Variants in SH3TC1 observed in about 807,000 individuals in gnomAD.
The protein encoded by SH3TC1 is SH3 domain and tetratricopeptide repeats 1.
Under a neutral mutation model 117.3 loss-of-function variants are expected in SH3TC1, and 135 were observed. The observed-to-expected ratio is 1.15, with a 90% CI of 1.00 to 1.33. The LOEUF is 1.33. SH3TC1 is among the 40% of genes most tolerant of loss of function. SH3TC1 has a pLI of 0.00. For synonymous variants in SH3TC1, 898 were observed against 816.9 expected (o/e 1.10, Z -1.69); for missense variants, 2,092 against 1,794.3 (o/e 1.17, Z -3.00).
At position 8,186,933 on chromosome 4, in the gene SH3TC1, G is replaced by C. The variant is rs1717237958; in HGVS notation, c.-57+4723G>C. 7.1e-6 allele frequency among the ~76,000 whole-genome samples: 1 copy of C among 140,516 alleles called. No homozygotes were observed. Among genetic ancestry groups the C allele is most frequent in the East Asian group, 2.1e-4 (1 of 4,858 alleles). 92.2% of individuals were successfully genotyped at this position (140,516 alleles called of 152,430 possible). A position where few individuals can be genotyped will look rare whatever the true frequency, so the allele number is the denominator to read the frequency against. The stretch of plus-strand genomic sequence containing the variant: ...CACTCCAGCCTGGGTGACAGGGCAA[G>C]ACTACGTCTCAAAAAAAAAAAAAAA... On this transcript the variant is annotated intron_variant, in intron 1 of 16. Coordinates refer to the SH3TC1 transcript ENST00000508641. This position sits in a 1 kb window ranked among gnomAD's most constrained non-coding sequence, Gnocchi z 5.2.
At chr4:8,212,537 G>A (rs994508514) in intron 3 of SH3TC1, among the ~76,000 whole-genome samples, 164 bp from the exon 4 acceptor site, 1 of 152,220 alleles carries the variant, frequency 6.6e-6, no homozygotes, top group African/African-American at 2.4e-5. Context: ...ATAGGGGTGG[G>A]GCAAGGTTGA....
intron 14 of SH3TC1, among the ~76,000 whole-genome samples, 183 bp downstream of exon 14, chr4:8,233,696 TCATCCATC>T (rs769304815): frequency 1.3e-5 from 2 of 149,874 alleles, no homozygotes; most frequent in Non-Finnish European, 3.0e-5. Context: ...CATCCATCCA[TCATCCATC>T]CATCCATCCT....
intron 10 of SH3TC1, among the ~76,000 whole-genome samples, chr4:8,223,548 G>A (rs1720148657): frequency 6.6e-6 from 1 of 152,098 alleles, no homozygotes; most frequent in South Asian, 2.1e-4. Context: ...AAGTTGGCAT[G>A]TCATCCACAA....
Position 8,227,195 on chromosome 4 carries a change from T to A in SH3TC1, c.1501T>A (p.Ser501Thr). ...CTGGGAGGACCCAGAGGCCCTGAGC[T>A]CACTGCTGCTGTTCCTGAACGCCCC... ...DDWEDPEALS[S>T]LLLFLNAPGY... The change falls in exon 12 of 18, where the codon TCA (serine) becomes ACA (threonine). Residue 501 changes from serine (S) to threonine (T), a missense_variant. Coordinates refer to ENST00000245105, the MANE Select transcript of SH3TC1 (RefSeq NM_018986.5). The A allele has an allele frequency of 6.4e-7, 1 of 1,569,332 alleles. No individual in the cohort carries two copies. The highest frequency in any genetic ancestry group is 8.7e-7 in the Non-Finnish European group (1 of 1,155,046).
intron 11 of SH3TC1, 116 bp from the exon 12 acceptor site, chr4:8,226,864 G>A (rs931556077): frequency 3.4e-5 from 23 of 669,526 alleles, no homozygotes; most frequent in Non-Finnish European, 4.7e-5. Context: ...GGGTGGTATC[G>A]TCTGGAAAGT....
At chr4:8,200,410 T>C (rs1288716125) in intron 1 of SH3TC1, among the ~76,000 whole-genome samples, 1 of 152,180 alleles carries the variant, frequency 6.6e-6, no homozygotes, top group Non-Finnish European at 1.5e-5. Flanking sequence ...TGATGGCTCA[T>C]CCGTGAAAGG....
chr4:8,235,465 C>A lies in SH3TC1; in HGVS notation c.3315C>A (p.Asp1105Glu), dbSNP rs761952692. 3.8e-6 allele frequency: 6 copies of A among 1,597,818 alleles called. No individual in the cohort carries two copies. The African/African-American group carries it at 4.0e-5, about 11-fold the overall frequency. Residue 1105 changes from aspartate to glutamate, a missense_variant, in exon 15 of 18, where the codon GAC becomes GAA. Physicochemically the swap from Asp to Glu is conservative, Grantham distance 45 (BLOSUM62 2). Coordinates refer to ENST00000245105, the MANE Select transcript of SH3TC1 (RefSeq NM_018986.5). ...AGAACGTGGCCCTGTACACAGGCGA[C>A]CCCAACCTGGGGCTGGAGCTGTTTG... Reference protein sequence around the residue: ...VAQNVALYTGDPNLGLELFEA... With the variant: ...VAQNVALYTGEPNLGLELFEA...
rs1349825590 is a variant in SH3TC1, at chr4:8,209,712, G to T, written c.173-36G>T. 10 of 1,613,058 alleles carry T rather than the reference G, an allele frequency of 6.2e-6. No individual in the cohort carries two copies. The highest frequency in any genetic ancestry group is 7.6e-6 in the Non-Finnish European group (9 of 1,179,784). On this transcript the variant is annotated intron_variant, in intron 2 of 17. Transcript: ENST00000245105. The surrounding 1 kb of genome is among the most constrained non-coding windows in gnomAD (Gnocchi z 5.9). ...CTTCAGAGGAGCCAGGCCTTTGCTT[G>T]GTCTCCCCTAATCCTGGGAACCTGC...
chr4:8,225,256 G>C lies in SH3TC1; in HGVS notation c.1285+40G>C, dbSNP rs1456865635. On this transcript the variant is annotated intron_variant, in intron 11 of 17. Coordinates refer to ENST00000245105, the MANE Select transcript of SH3TC1 (RefSeq NM_018986.5). The surrounding 1 kb of genome is among the most constrained non-coding windows in gnomAD (Gnocchi z 5.5). ...TGGCTCAGGCTTCCTCTGGTTATGA[G>C]CTGGGCCTTGGGGTAACGCTGGGGG... is the stretch of plus-strand genomic sequence containing the variant. The C allele has an allele frequency of 6.2e-7, 1 of 1,601,842 alleles. No individual in the cohort carries two copies. The highest frequency in any genetic ancestry group is 8.5e-7 in the Non-Finnish European group (1 of 1,173,958).
intron 3 of SH3TC1, among the ~76,000 whole-genome samples, chr4:8,212,403 G>T (rs938918030): frequency 1.3e-5 from 2 of 152,194 alleles, no homozygotes; most frequent in East Asian, 3.9e-4. Flanking sequence ...CCATCTGTGC[G>T]CAGTGGTTTC....
In SH3TC1 at chr4:8,236,351, C is replaced by A; in HGVS notation, c.3479C>A (p.Ala1160Glu). The A allele has an allele frequency of 6.5e-7, 1 of 1,549,426 alleles. No homozygotes were observed. Reference protein sequence around the residue: ...AELRLCNKLVALLATLEEPQE... With the variant: ...AELRLCNKLVELLATLEEPQE... The stretch of plus-strand genomic sequence containing the variant: ...CTGCGGCTGTGCAACAAGCTGGTGG[C>A]ACTGCTGGCCACGCTGGAGGAGCCC... Residue 1160 changes from alanine to glutamate, a missense_variant, in exon 16 of 18, where the codon GCA becomes GAA. Transcript: ENST00000245105.
intron 17 of SH3TC1, 110 bp downstream of exon 17, chr4:8,237,780 C>T (rs2152998777): frequency 8.1e-7 from 1 of 1,234,454 alleles, no homozygotes; most frequent in South Asian, 1.7e-5. Flanking sequence ...GGCCCAGTGG[C>T]CTCCCTGGAG....
rs534771220 is a variant in SH3TC1, at chr4:8,227,324, G to A, written c.1630G>A (p.Ala544Thr). Residue 544 changes from alanine to threonine, a missense_variant, in exon 12 of 18, where the codon GCA becomes ACA. By Grantham distance (58) the Ala-to-Thr change is moderately conservative. Transcript: ENST00000245105. ...SDEEELTGRL[A>T]QARGAAKKAG... ...CGAGGAGGAGCTGACTGGGCGCCTGGCACAGGCCCGGGGGGCGGCCAAGAA... is the reference window on the plus strand; with the variant it reads ...CGAGGAGGAGCTGACTGGGCGCCTGACACAGGCCCGGGGGGCGGCCAAGAA... 3 of 1,609,308 alleles carry A rather than the reference G, an allele frequency of 1.9e-6. No individual in the cohort carries two copies. Among genetic ancestry groups the A allele is most frequent in the Admixed American group, 3.4e-5 (2 of 59,544 alleles).
rs1718126043 is a variant in SH3TC1 at position 8,205,450 on chromosome 4, C to T, written c.172+84C>T. On this transcript the variant is annotated intron_variant, in intron 2 of 17. Coordinates refer to ENST00000245105, the MANE Select transcript of SH3TC1 (RefSeq NM_018986.5). The surrounding 1 kb of genome is among the most constrained non-coding windows in gnomAD (Gnocchi z 5.4). ...CGCCCCGTCCATCCATCCCTCACCA[C>T]CCTGCCTGCCTCCAGGCCTCTTGGG... The T allele has an allele frequency of 1.3e-6, 2 of 1,533,856 alleles. No individual in the cohort carries two copies. The highest frequency in any genetic ancestry group is 1.8e-6 in the Non-Finnish European group (2 of 1,120,906).
chr4:8,208,830 CTG>C (rs1342633734), intron 2 of SH3TC1, among the ~76,000 whole-genome samples: 1 of 152,262 alleles, frequency 6.6e-6, no homozygotes, highest in African/African-American at 2.4e-5. Context: ...CCCAAGACCA[CTG>C]TGGCTGTGCG....
At chr4:8,187,638 G>A (rs965630293) in intron 1 of SH3TC1, among the ~76,000 whole-genome samples, 1 of 149,932 alleles carries the variant, frequency 6.7e-6, no homozygotes, top group Non-Finnish European at 1.5e-5. Context: ...TGCAACTTCC[G>A]CCTTCTGGGT....
intron 17 of SH3TC1, among the ~76,000 whole-genome samples, chr4:8,240,399 C>G (rs1195079049): frequency 2.6e-5 from 4 of 152,186 alleles, no homozygotes; most frequent in Non-Finnish European, 4.4e-5. Flanking sequence ...ACTCTCAGAG[C>G]AGGCAGGATC....
intron 12 of SH3TC1, 117 bp downstream of exon 12, chr4:8,228,761 G>A (rs1720840189): frequency 2.2e-6 from 2 of 902,596 alleles, no homozygotes; most frequent in South Asian, 1.9e-5. Flanking sequence ...GCTGAGTCAT[G>A]GCAAACAGCA....
chr4:8,187,382 C>A (rs1342789229), intron 1 of SH3TC1, among the ~76,000 whole-genome samples: 1 of 151,306 alleles, frequency 6.6e-6, no homozygotes, highest in African/African-American at 2.5e-5. Context: ...AGGACGCCAC[C>A]ATGCGCATCC....
Sources: allele counts gnomAD v4.1 joint callset (sites outside exome capture counted in the v4.1 genomes callset), GRCh38; gene constraint gnomAD v4.1.1; non-coding constraint Gnocchi (gnomAD v3.1); transcripts MANE v1.5; gene names NCBI Gene and HGNC (gene_info 2026-07-23, HGNC 2026-07-21).